Variants in HIP1 observed in about 807,000 individuals in gnomAD.
The protein encoded by HIP1 is huntingtin interacting protein 1.
HIP1 carries 65 observed loss-of-function variants against 147.6 expected under a neutral mutation model. That is an observed-to-expected ratio of 0.44 (90% CI 0.36 to 0.54). HIP1 has a LOEUF of 0.54. Among genes scored for constraint, HIP1 ranks in the 20% least tolerant of loss-of-function variants. The pLI, the probability that HIP1 is intolerant of heterozygous loss-of-function variation, is 0.00. For synonymous variants in HIP1, 479 were observed against 504.0 expected, an observed-to-expected ratio of 0.95 and a Z score of 0.67; for missense variants, 1,061 against 1,299.6, an observed-to-expected ratio of 0.82 and a Z score of 2.82.
At chr7:75,598,632 C>T (rs1454494737) in intron 2 of HIP1, among the ~76,000 whole-genome samples, 2 of 151,956 alleles carry the variant, frequency 1.3e-5, no homozygotes, top group Non-Finnish European at 1.5e-5. Context: ...CTTGAGTCGG[C>T]CAGGTGCAGT....
intron 1 of HIP1, among the ~76,000 whole-genome samples, chr7:75,645,290 A>C (rs1373889336): frequency 2.6e-5 from 4 of 151,948 alleles, no homozygotes; most frequent in Non-Finnish European, 4.4e-5. Context: ...GCAATGGTGC[A>C]ATCTTGGCTC....
chr7:75,675,048 C>T (rs1799849886), intron 1 of HIP1, among the ~76,000 whole-genome samples: 1 of 152,082 alleles, frequency 6.6e-6, no homozygotes, highest in South Asian at 2.1e-4. Context: ...TCTTCTTCCA[C>T]AGGGACTCCT....
At chr7:75,687,620 G>A (rs569877627) in intron 1 of HIP1, among the ~76,000 whole-genome samples, 2 of 152,290 alleles carry the variant, frequency 1.3e-5, no homozygotes, top group South Asian at 4.1e-4. Flanking sequence ...GAACCCAGGA[G>A]GCAGAGGTTG....
chr7:75,598,375 C>G (rs1362115260), intron 2 of HIP1, among the ~76,000 whole-genome samples: 1 of 145,122 alleles, frequency 6.9e-6, no homozygotes, highest in Non-Finnish European at 1.5e-5. Context: ...CCAGCCTGGG[C>G]AACAGAGTGG....
At chr7:75,658,956 C>T (rs1229416465) in intron 1 of HIP1, among the ~76,000 whole-genome samples, 1 of 152,042 alleles carries the variant, frequency 6.6e-6, no homozygotes, top group Non-Finnish European at 1.5e-5. Flanking sequence ...AGAAAGCAAA[C>T]TAAGGCAGGA....
chr7:75,712,526 G>A (rs1328954250), intron 1 of HIP1, among the ~76,000 whole-genome samples: 3 of 152,150 alleles, frequency 2.0e-5, no homozygotes, highest in Non-Finnish European at 2.9e-5. Flanking sequence ...ACAGCTTGAC[G>A]AGGGGCAACT....
intron 2 of HIP1, among the ~76,000 whole-genome samples, chr7:75,596,348 G>C (rs1796746147): frequency 6.6e-6 from 1 of 151,296 alleles, no homozygotes; most frequent in Non-Finnish European, 1.5e-5. Context: ...TTATGAATCA[G>C]AGACTCATAG....
At chr7:75,672,264 C>T (rs1304969989) in intron 1 of HIP1, among the ~76,000 whole-genome samples, 2 of 150,570 alleles carry the variant, frequency 1.3e-5, no homozygotes, top group African/African-American at 4.9e-5. Context: ...GTATCAATTC[C>T]TTATCCAATA....
At position 75,631,623 on chromosome 7, in the gene HIP1, T is replaced by C. The variant is rs587737116; in HGVS notation, c.121-32376A>G. Among the ~76,000 whole-genome samples the C allele has an allele frequency of 2.0e-5, 3 of 152,230 alleles. No homozygotes were observed. The East Asian group carries it at 5.8e-4, about 29-fold the overall frequency. On this transcript the variant is annotated intron_variant, in intron 1 of 30. Coordinates refer to ENST00000336926, the MANE Select transcript of HIP1 (RefSeq NM_005338.7). ...GAACCTCCTCCAAATTAAAGATGCA[T>C]TAGGACTTTAGGGAATCTAAAGGAC... is the stretch of plus-strand genomic sequence containing the variant.
intron 1 of HIP1, among the ~76,000 whole-genome samples, chr7:75,629,231 A>G (rs1393397938): frequency 6.6e-6 from 1 of 152,170 alleles, no homozygotes; most frequent in African/African-American, 2.4e-5. Flanking sequence ...AGCAGTAGGC[A>G]GCGTAAACCC....
chr7:75,621,687 C>A (rs587620540), intron 1 of HIP1, among the ~76,000 whole-genome samples: 1 of 152,290 alleles, frequency 6.6e-6, no homozygotes. Flanking sequence ...TGCCTTCAAT[C>A]AGGACAGAAT....
chr7:75,552,625 G>A (rs1364604274), intron 22 of HIP1, among the ~76,000 whole-genome samples: 2 of 152,224 alleles, frequency 1.3e-5, no homozygotes, highest in Admixed American at 6.5e-5. Context: ...CCAAAGTGCA[G>A]GGATTACAGG....
chr7:75,724,687 A>G (rs1554522173), intron 1 of HIP1, among the ~76,000 whole-genome samples: 1 of 152,210 alleles, frequency 6.6e-6, no homozygotes, highest in African/African-American at 2.4e-5. Context: ...GCAATATACT[A>G]AAAGTTGAAT....
At chr7:75,693,799 GAA>G (rs1166077454) in intron 1 of HIP1, among the ~76,000 whole-genome samples, 1 of 151,564 alleles carries the variant, frequency 6.6e-6, no homozygotes, top group Non-Finnish European at 1.5e-5. Context: ...GAGGGGGAGA[GAA>G]AGAGAGAGAG....
intron 29 of HIP1, among the ~76,000 whole-genome samples, chr7:75,539,864 C>G (rs1290829638): frequency 2.0e-5 from 3 of 152,152 alleles, no homozygotes; most frequent in Non-Finnish European, 2.9e-5. Flanking sequence ...ATCTTCTGTT[C>G]CTCTGAGAAA....
chr7:75,696,225 C>T (rs116420266), intron 1 of HIP1, among the ~76,000 whole-genome samples: 1,585 of 150,964 alleles, frequency 0.01, 36 homozygotes, highest in African/African-American at 0.036. Context: ...TGGGCTAAAG[C>T]TATCCACCCA....
intron 1 of HIP1, among the ~76,000 whole-genome samples, chr7:75,703,950 T>C (rs1288481798): frequency 6.6e-6 from 1 of 152,082 alleles, no homozygotes; most frequent in African/African-American, 2.4e-5. Context: ...GTGAAGAGTC[T>C]AGGGAAAAGC....
intron 22 of HIP1, among the ~76,000 whole-genome samples, chr7:75,552,608 C>T (rs1004561346): frequency 1.1e-4 from 16 of 152,034 alleles, no homozygotes; most frequent in South Asian, 6.2e-4. Context: ...CCTCCTGCCT[C>T]GGCCTCCCAA....
intron 23 of HIP1, 44 bp from the exon 24 acceptor site, chr7:75,547,857 A>G: frequency 6.5e-7 from 1 of 1,531,168 alleles, no homozygotes; most frequent in South Asian, 1.1e-5. Flanking sequence ...TTGAATATTA[A>G]GGATCCACTA....
Sources: allele counts gnomAD v4.1 joint callset (sites outside exome capture counted in the v4.1 genomes callset), GRCh38; gene constraint gnomAD v4.1.1; transcripts MANE v1.5; gene names NCBI Gene and HGNC (gene_info 2026-07-23, HGNC 2026-07-21).